The following TRPM3 variants were observed in gnomAD, a reference collection of about 807,000 sequenced individuals.
TRPM3 encodes the protein long transient receptor potential channel 3.
A neutral mutation model predicts 181.2 loss-of-function variants in TRPM3; 77 were observed. The ratio of observed to expected loss-of-function variants is 0.42; its 90% CI spans 0.35 to 0.51. The LOEUF is 0.51. Among genes scored for constraint, TRPM3 ranks in the 20% least tolerant of loss-of-function variants. TRPM3 has a pLI of 0.01. For synonymous variants in TRPM3, 745 were observed against 796.4 expected, an observed-to-expected ratio of 0.94 and a Z score of 1.09; for missense variants, 1,759 against 2,196.7, an observed-to-expected ratio of 0.80 and a Z score of 3.98.
Position 70,848,752 on chromosome 9 carries a change from C to T in TRPM3, c.463-2161G>A, listed in dbSNP as rs1452686291. On this transcript the variant is annotated intron_variant, in intron 3 of 25. Coordinates refer to ENST00000677713, the MANE Select transcript of TRPM3 (RefSeq NM_001366145.2). ...CAGCACTTTGGGAGGCCGAGGCGGG[C>T]GGATCACGAGGTCAGGAGATCGAGA... is the stretch of plus-strand genomic sequence containing the variant. Among the ~76,000 whole-genome samples, 16 of 29,018 alleles carry T rather than the reference C, an allele frequency of 5.5e-4. 5 individuals carry two copies. The highest frequency in any genetic ancestry group is 1.1e-3 in the Non-Finnish European group (14 of 12,324). 19.0% of individuals were successfully genotyped at this position (29,018 alleles called of 152,430 possible). A position where few individuals can be genotyped will look rare whatever the true frequency, so the allele number is the denominator to read the frequency against.
At chr9:70,780,802 C>A (rs2082286673) in intron 7 of TRPM3, among the ~76,000 whole-genome samples, 2 of 152,052 alleles carry the variant, frequency 1.3e-5, no homozygotes, top group African/African-American at 4.8e-5. Context: ...CTTCTATTTT[C>A]TTAACCATTT....
At chr9:71,126,533 C>T (rs1164603028), upstream of TRPM3, among the ~76,000 whole-genome samples, 1 of 152,174 alleles carries the variant, frequency 6.6e-6, no homozygotes, top group Non-Finnish European at 1.5e-5. Context: ...CATTTACCTA[C>T]AGGACAATCC....
intron 8 of TRPM3, among the ~76,000 whole-genome samples, chr9:70,752,049 T>TGTGTGCGCGCGCGC (rs1273744922): frequency 8.6e-6 from 1 of 116,348 alleles, no homozygotes; most frequent in Non-Finnish European, 1.9e-5. Flanking sequence ...TGTGTGTGTG[T>TGTGTGCGCGCGCGC]GCGCGCGCGC....
At position 70,533,084 on chromosome 9, in the gene TRPM3, A is replaced by G. The variant is rs1157887179; in HGVS notation, c.*2869T>C. ...TTAGAACTTAATTTTCATGCACAAC[A>G]AAAGAATCAGGTAATTGCAAGATCA... On this transcript the variant is annotated 3_prime_UTR_variant, in exon 26 of 26. Coordinates refer to ENST00000677713, the MANE Select transcript of TRPM3 (RefSeq NM_001366145.2). The G allele has an allele frequency of 6.6e-6, 1 of 152,222 alleles. No homozygotes were observed. The highest frequency in any genetic ancestry group is 6.5e-5 in the Admixed American group (1 of 15,288). The allele number at this position is 152,222 out of a possible 1,614,324, so 9.4% of individuals were successfully genotyped here. A position where few individuals can be genotyped will look rare whatever the true frequency, so the allele number is the denominator to read the frequency against.
At chr9:71,201,224 A>G (rs1225802361) in intron 1 of TRPM3, among the ~76,000 whole-genome samples, 7 of 151,806 alleles carry the variant, frequency 4.6e-5, no homozygotes, top group Admixed American at 3.9e-4. Context: ...TGGCTTGTAG[A>G]GTTTCTGCTG....
chr9:70,768,097 T>C (rs1057366297), intron 7 of TRPM3, among the ~76,000 whole-genome samples: 7 of 152,232 alleles, frequency 4.6e-5, no homozygotes, highest in Admixed American at 3.3e-4. Context: ...AGATGAGGCA[T>C]AAACTGCTCT....
chr9:70,610,612 G>A lies in TRPM3; in HGVS notation c.2664C>T (p.Tyr888=). The part of the protein sequence containing the change: ...YNAPIVKFWF[Y]TLAYIGYLML... ...GGAGAAAAGGAAATGTGCTTACTGT[G>A]TAGAACCAGAACTTCACGATGGGTG... The change falls in exon 19 of 26, where the codon TAC becomes TAT. Residue 888 remains tyrosine, a synonymous_variant. Coordinates refer to ENST00000677713, the MANE Select transcript of TRPM3 (RefSeq NM_001366145.2). 1 of 1,614,014 alleles carries A rather than the reference G, an allele frequency of 6.2e-7. No homozygotes were observed. Among genetic ancestry groups the A allele is most frequent in the East Asian group, 2.2e-5 (1 of 44,868 alleles).
At chr9:70,817,464 G>C (rs1307293566) in intron 6 of TRPM3, among the ~76,000 whole-genome samples, 1 of 152,148 alleles carries the variant, frequency 6.6e-6, no homozygotes, top group East Asian at 1.9e-4. Flanking sequence ...ATATGAATAG[G>C]AAAAATTCCT....
intron 1 of TRPM3, among the ~76,000 whole-genome samples, chr9:70,944,907 C>T (rs2096918243): frequency 6.6e-6 from 1 of 150,926 alleles, no homozygotes; most frequent in Non-Finnish European, 1.5e-5. Flanking sequence ...AAAAAAACCA[C>T]ATAAAAGCCT....
chr9:70,608,578 G>A (rs1283644685), intron 19 of TRPM3, among the ~76,000 whole-genome samples: 1 of 152,174 alleles, frequency 6.6e-6, no homozygotes, highest in Non-Finnish European at 1.5e-5. Flanking sequence ...GTTATTGCCT[G>A]TAATCCCAGC....
intron 1 of TRPM3, among the ~76,000 whole-genome samples, chr9:71,321,561 C>A (rs1420142095): frequency 1.3e-5 from 2 of 151,838 alleles, no homozygotes; most frequent in Non-Finnish European, 1.5e-5. Context: ...ATGTAAGAAA[C>A]AAAAAATAAA....
intron 1 of TRPM3, among the ~76,000 whole-genome samples, chr9:71,177,626 T>G (rs1420154837): frequency 1.8e-5 from 1 of 55,302 alleles, no homozygotes; most frequent in South Asian, 8.0e-4. Flanking sequence ...ATTCATGTAT[T>G]AGGAAAACCT....
At chr9:70,772,322 ATT>A (rs67215937) in intron 7 of TRPM3, among the ~76,000 whole-genome samples, 55 of 148,310 alleles carry the variant, frequency 3.7e-4, no homozygotes, top group South Asian at 8.6e-4. Flanking sequence ...CACAGAGAGT[ATT>A]TTTTTTTTTT....
At chr9:71,214,625 G>A (rs553392604) in intron 1 of TRPM3, among the ~76,000 whole-genome samples, 30 of 151,982 alleles carry the variant, frequency 2.0e-4, no homozygotes, top group African/African-American at 6.8e-4. Flanking sequence ...AATCTTTGAC[G>A]GCTCCTGAGT....
At chr9:71,103,575 G>A (rs561179313) in intron 1 of TRPM3, among the ~76,000 whole-genome samples, 4 of 152,174 alleles carry the variant, frequency 2.6e-5, no homozygotes, top group Admixed American at 2.0e-4. Flanking sequence ...GAACAAAGAG[G>A]GCAGAACAAT....
At chr9:70,960,279 C>T (rs1477062989) in intron 1 of TRPM3, among the ~76,000 whole-genome samples, 1 of 152,162 alleles carries the variant, frequency 6.6e-6, no homozygotes, top group African/African-American at 2.4e-5. Flanking sequence ...AGTTAGTGAA[C>T]AGCATCTCAG....
rs1049294793 is a variant in TRPM3 at position 70,531,316 on chromosome 9, T to G, written c.*4637A>C. The G allele has an allele frequency of 6.6e-6, 1 of 152,204 alleles. No homozygotes were observed. The highest frequency in any genetic ancestry group is 2.4e-5 in the African/African-American group (1 of 41,438). 9.4% of individuals were successfully genotyped at this position (152,204 alleles called of 1,614,324 possible). ...AAAAAAAGATTTAAAAATCCCTTGG[T>G]TACTTTTTTTTTGTTTTTAATTTTT... On this transcript the variant is annotated 3_prime_UTR_variant, in exon 26 of 26. Transcript: ENST00000677713.
chr9:70,858,078 CA>C (rs2095431792), intron 3 of TRPM3, among the ~76,000 whole-genome samples: 1 of 152,154 alleles, frequency 6.6e-6, no homozygotes, highest in Non-Finnish European at 1.5e-5. Flanking sequence ...ATCCTCTACC[CA>C]GACTCCTGCA....
chr9:71,081,573 A>G (rs2064352425), intron 1 of TRPM3, among the ~76,000 whole-genome samples: 1 of 152,162 alleles, frequency 6.6e-6, no homozygotes, highest in Non-Finnish European at 1.5e-5. Context: ...CAAGACAAGA[A>G]TCCTTTATGG....
Sources: gnomAD v4.1 joint callset for allele counts (sites outside exome capture counted in the v4.1 genomes callset) on GRCh38, gnomAD v4.1.1 for gene constraint, MANE v1.5 for transcripts, NCBI Gene and HGNC (gene_info 2026-07-23, HGNC 2026-07-21) for gene names.